MECOM: variants seen among roughly 807,000 people sequenced by gnomAD.
The protein encoded by MECOM is MDS1 and EVI1 complex locus, also known as histone-lysine N-methyltransferase MECOM.
MECOM carries 13 observed loss-of-function variants against 116.3 expected under a neutral mutation model. The observed-to-expected ratio is 0.11, with a 90% CI of 0.07 to 0.18. The LOEUF is 0.18. Among genes scored for constraint, MECOM ranks in the 10% least tolerant of loss-of-function variants. The pLI, the probability that MECOM is intolerant of heterozygous loss-of-function variation, is 1.00. For synonymous variants in MECOM, 528 were observed against 535.2 expected, an observed-to-expected ratio of 0.99 and a Z score of 0.19; for missense variants, 1,299 against 1,509.0, an observed-to-expected ratio of 0.86 and a Z score of 2.31.
At chr3:169,147,322 C>T (rs1366764732) in intron 2 of MECOM, 3 of 985,558 alleles carry the variant, frequency 3.0e-6, no homozygotes, top group East Asian at 2.3e-4. Flanking sequence ...GTCCTGGACC[C>T]TCACGGGATC....
intron 2 of MECOM, among the ~76,000 whole-genome samples, chr3:169,208,011 C>T (rs562469281): frequency 2.3e-4 from 35 of 152,112 alleles, no homozygotes; most frequent in African/African-American, 7.7e-4. Flanking sequence ...TATCTTTAAA[C>T]CCTATAACAA....
At chr3:169,316,663 C>T (rs1378624575) in intron 2 of MECOM, among the ~76,000 whole-genome samples, 1 of 152,154 alleles carries the variant, frequency 6.6e-6, no homozygotes, top group Non-Finnish European at 1.5e-5. Flanking sequence ...ATGATCCTCC[C>T]ACCTCAGCCT....
chr3:169,539,735 CCA>C (rs1759846120), intron 1 of MECOM, among the ~76,000 whole-genome samples: 1 of 151,618 alleles, frequency 6.6e-6, no homozygotes, highest in Admixed American at 6.6e-5. Context: ...GTATATCAGA[CCA>C]CAGCACTTTC....
chr3:169,653,467 A>T (rs539611959), intron 1 of MECOM, among the ~76,000 whole-genome samples: 1 of 152,362 alleles, frequency 6.6e-6, no homozygotes, highest in East Asian at 1.9e-4. Flanking sequence ...TAGAAGTCAT[A>T]TCTCCAGGAG....
intron 2 of MECOM, among the ~76,000 whole-genome samples, chr3:169,373,136 C>G (rs1457690077): frequency 6.6e-6 from 1 of 152,004 alleles, no homozygotes; most frequent in African/African-American, 2.4e-5. Context: ...CAAGCACATT[C>G]CAAGTCTTTA....
intron 2 of MECOM, among the ~76,000 whole-genome samples, chr3:169,328,030 T>C (rs1008207520): frequency 1.3e-5 from 2 of 152,222 alleles, no homozygotes; most frequent in African/African-American, 4.8e-5. Context: ...ACTATCATTT[T>C]AGCTGTCTCA....
At chr3:169,555,381 C>T (rs1303687604) in intron 1 of MECOM, among the ~76,000 whole-genome samples, 1 of 151,982 alleles carries the variant, frequency 6.6e-6, no homozygotes, top group Non-Finnish European at 1.5e-5. Context: ...GGCATTTTGG[C>T]AAGGAAGGCA....
At position 169,442,942 on chromosome 3, in the gene MECOM, C is replaced by G. The variant is rs546852741; in HGVS notation, c.38-61418G>C. On this transcript the variant is annotated intron_variant, in intron 1 of 16. Coordinates refer to ENST00000651503, the MANE Select transcript of MECOM (RefSeq NM_004991.4). ...AGGTCTGTATTCTTTTCAACACTTCCACAGAACCTAGTCCAGTGTCTAACA... is the reference window on the plus strand; with the variant it reads ...AGGTCTGTATTCTTTTCAACACTTCGACAGAACCTAGTCCAGTGTCTAACA... 9.2e-5 allele frequency among the ~76,000 whole-genome samples: 14 copies of G among 152,162 alleles called. No homozygotes were observed. In the South Asian group the frequency reaches 2.9e-3, roughly 32 times the overall value.
In MECOM at chr3:169,214,197, C is replaced by T. The variant is rs576922750; in HGVS notation, c.376-70365G>A. ...AAAGCCAACTTTTTTTTTAAACTAA[C>T]ATGTATGAACATCAGTGGAAATTAG... On this transcript the variant is annotated intron_variant, in intron 2 of 16. Transcript: ENST00000651503. Among the ~76,000 whole-genome samples the T allele has an allele frequency of 5.9e-5, 9 of 152,038 alleles. No homozygotes were observed. In the East Asian group the frequency reaches 1.5e-3, roughly 26 times the overall value.
chr3:169,417,703 C>A (rs1165514088), intron 1 of MECOM, among the ~76,000 whole-genome samples: 2 of 151,676 alleles, frequency 1.3e-5, no homozygotes, highest in Non-Finnish European at 2.9e-5. Flanking sequence ...GACTTGGAAC[C>A]AACCCAAATG....
intron 2 of MECOM, among the ~76,000 whole-genome samples, chr3:169,379,998 C>G (rs1732127644): frequency 6.6e-6 from 1 of 152,132 alleles, no homozygotes. Context: ...CCACTTGAAT[C>G]ATGTCAAAGC....
chr3:169,287,509 AC>A (rs1713571222), intron 2 of MECOM, among the ~76,000 whole-genome samples: 1 of 152,180 alleles, frequency 6.6e-6, no homozygotes, highest in Non-Finnish European at 1.5e-5. Flanking sequence ...AAAATAAAAA[AC>A]AAAGCATAAT....
rs571987830 is a variant in MECOM, at chr3:169,330,457, C to T, written c.375+50730G>A. 5.3e-5 allele frequency among the ~76,000 whole-genome samples: 8 copies of T among 152,242 alleles called. No homozygotes were observed. The East Asian group carries it at 5.8e-4, about 11-fold the overall frequency. ...AAAACATAATGACATCTAGTTCAAA[C>T]TTGTGACTGAGTTCCACAGTAGAAT... On this transcript the variant is annotated intron_variant, in intron 2 of 16. Transcript: ENST00000651503.
At chr3:169,274,721 T>A (rs1759379524) in intron 2 of MECOM, among the ~76,000 whole-genome samples, 1 of 152,192 alleles carries the variant, frequency 6.6e-6, no homozygotes, top group South Asian at 2.1e-4. Flanking sequence ...AATAATTTTT[T>A]AAAATACAGT....
At chr3:169,275,985 G>T (rs983640149) in intron 2 of MECOM, among the ~76,000 whole-genome samples, 5 of 152,136 alleles carry the variant, frequency 3.3e-5, no homozygotes, top group African/African-American at 1.2e-4. Context: ...ACTTCTTGTG[G>T]ATTCTAAGGT....
chr3:169,420,272 G>A (rs2108502909), intron 1 of MECOM, among the ~76,000 whole-genome samples: 1 of 152,150 alleles, frequency 6.6e-6, no homozygotes, highest in Middle Eastern at 3.4e-3. Context: ...GTTTTCCCAG[G>A]CATAGCCAGA....
chr3:169,123,811 G>A (rs575657189), intron 5 of MECOM, among the ~76,000 whole-genome samples: 2 of 152,108 alleles, frequency 1.3e-5, no homozygotes, highest in African/African-American at 2.4e-5. Flanking sequence ...GACCAAAGGT[G>A]GGGCAAGTGA....
chr3:169,406,168 A>C (rs1489511737), intron 1 of MECOM, among the ~76,000 whole-genome samples: 3 of 152,218 alleles, frequency 2.0e-5, no homozygotes, highest in Non-Finnish European at 4.4e-5. Flanking sequence ...CATCCTGACC[A>C]ACAACTCAGG....
intron 2 of MECOM, among the ~76,000 whole-genome samples, chr3:169,166,711 C>T (rs1743649274): frequency 6.6e-6 from 1 of 152,094 alleles, no homozygotes; most frequent in Admixed American, 6.6e-5. Flanking sequence ...ACTAAGAGTT[C>T]AAACATTTGC....
Sources: allele counts gnomAD v4.1 joint callset (sites outside exome capture counted in the v4.1 genomes callset), GRCh38; gene constraint gnomAD v4.1.1; transcripts MANE v1.5; gene names NCBI Gene and HGNC (gene_info 2026-07-23, HGNC 2026-07-21).